The following TMOD1 variants were observed in gnomAD, a reference collection of about 807,000 sequenced individuals.
The protein encoded by TMOD1 is tropomodulin 1.
Under a neutral mutation model 40.6 loss-of-function variants are expected in TMOD1, and 17 were observed. The observed-to-expected ratio is 0.42, with a 90% CI of 0.29 to 0.63. The LOEUF (loss-of-function observed/expected upper bound fraction) is 0.63, where lower values mean the gene tolerates loss of function less well. Among genes scored for constraint, TMOD1 ranks in the 20% least tolerant of loss-of-function variants. The pLI, the probability that TMOD1 is intolerant of heterozygous loss-of-function variation, is 0.22. For synonymous variants in TMOD1, 181 were observed against 175.0 expected, an observed-to-expected ratio of 1.03 and a Z score of -0.27; for missense variants, 391 against 447.6, an observed-to-expected ratio of 0.87 and a Z score of 1.14.
chr9:97,521,583 C>A (rs763817103), intron 1 of TMOD1, among the ~76,000 whole-genome samples: 1 of 152,116 alleles, frequency 6.6e-6, no homozygotes, highest in Admixed American at 6.5e-5. Context: ...TCGTCGATAC[C>A]AGAGCACTGT....
chr9:97,559,635 CGT>C (rs1830586616), intron 4 of TMOD1, among the ~76,000 whole-genome samples: 1 of 150,690 alleles, frequency 6.6e-6, no homozygotes, highest in African/African-American at 2.4e-5. Flanking sequence ...CGTGGTGGCA[CGT>C]GTCTGTAATC....
chr9:97,546,401 G>A (rs188506093), intron 3 of TMOD1, 60 bp downstream of exon 3: 9 of 1,555,466 alleles, frequency 5.8e-6, no homozygotes, highest in Admixed American at 5.5e-5. Context: ...AGTGCCGACT[G>A]TATGCCAGGC....
chr9:97,579,443 C>T (rs1825693012), intron 8 of TMOD1, among the ~76,000 whole-genome samples: 1 of 152,114 alleles, frequency 6.6e-6, no homozygotes, highest in Admixed American at 6.5e-5. Flanking sequence ...CAGCCAGTGG[C>T]TATTTGTTTG....
intron 3 of TMOD1, among the ~76,000 whole-genome samples, chr9:97,550,650 G>T (rs956364580): frequency 6.6e-6 from 1 of 152,136 alleles, no homozygotes; most frequent in Non-Finnish European, 1.5e-5. Flanking sequence ...TCATGTGCTT[G>T]TTGGCCATAT....
intron 9 of TMOD1, among the ~76,000 whole-genome samples, chr9:97,595,110 G>A (rs1025677890): frequency 2.0e-5 from 3 of 152,160 alleles, no homozygotes; most frequent in Non-Finnish European, 4.4e-5. Context: ...ATTGTCAATT[G>A]ACAATTTGTA....
intron 8 of TMOD1, among the ~76,000 whole-genome samples, chr9:97,580,534 A>T (rs569147550): frequency 1.3e-5 from 2 of 151,856 alleles, no homozygotes; most frequent in Non-Finnish European, 2.9e-5. Context: ...TGAACCTGGG[A>T]GGCAGAGGCT....
chr9:97,591,444 A>T lies in TMOD1; in HGVS notation c.1015+9A>T. 1 of 1,613,470 alleles carries T rather than the reference A, an allele frequency of 6.2e-7. No homozygotes were observed. Among genetic ancestry groups the T allele is most frequent in the Non-Finnish European group, 8.5e-7 (1 of 1,179,630 alleles). On this transcript the variant is annotated intron_variant, in intron 9 of 9. Coordinates refer to ENST00000259365, the MANE Select transcript of TMOD1 (RefSeq NM_003275.4). The stretch of plus-strand genomic sequence containing the variant: ...GAACAACAATGACCTTGGTGAGTAG[A>T]AATATGCTTCCTGCCCTGCCCGCAG...
At chr9:97,580,927 A>G (rs1351009486) in intron 8 of TMOD1, among the ~76,000 whole-genome samples, 1 of 130,408 alleles carries the variant, frequency 7.7e-6, no homozygotes, top group East Asian at 2.3e-4. Context: ...TATATTATGT[A>G]ACCATTTTGG....
intron 2 of TMOD1, 101 bp from the exon 3 acceptor site, chr9:97,546,084 T>C (rs1167714496): frequency 7.2e-7 from 1 of 1,383,056 alleles, no homozygotes; most frequent in African/African-American, 1.4e-5. Context: ...TTCTGTTCGA[T>C]GATGAGTTTC....
intron 2 of TMOD1, among the ~76,000 whole-genome samples, chr9:97,538,040 A>G (rs1830210674): frequency 1.3e-5 from 2 of 152,184 alleles, no homozygotes; most frequent in African/African-American, 2.4e-5. Context: ...CACAAAACTG[A>G]GCAGATCTAA....
intron 9 of TMOD1, among the ~76,000 whole-genome samples, chr9:97,598,352 CT>C (rs1289083379): frequency 7.4e-6 from 1 of 134,546 alleles, no homozygotes; most frequent in Non-Finnish European, 1.5e-5. Context: ...AAAAAAAAGG[CT>C]TGGTCCTGTC....
chr9:97,595,929 C>T (rs529512900), intron 9 of TMOD1, among the ~76,000 whole-genome samples: 1 of 152,066 alleles, frequency 6.6e-6, no homozygotes, highest in African/African-American at 2.4e-5. Flanking sequence ...AAAAAATTAG[C>T]CGGGCATGGT....
Position 97,524,274 on chromosome 9 carries a change from C to A in TMOD1, c.86C>A (p.Thr29Asn). The A allele has an allele frequency of 2.5e-6, 4 of 1,614,082 alleles. No individual in the cohort carries two copies. Among genetic ancestry groups the A allele is most frequent in the Non-Finnish European group, 3.4e-6 (4 of 1,179,998 alleles). The change falls in exon 2 of 10, where the codon ACC (threonine) becomes AAC (asparagine). Residue 29 changes from threonine to asparagine, a missense_variant. By Grantham distance (65) the Thr-to-Asn change is moderately conservative. Transcript: ENST00000259365. ...LGALTEEELRTLENELDELDP... is the reference protein window; with the variant it reads ...LGALTEEELRNLENELDELDP... ...GCCCTAACAGAGGAAGAGCTGAGGA[C>A]CCTGGAAAATGAGCTGGATGAGCTG...
chr9:97,553,167 C>T, intron 3 of TMOD1, 114 bp from the exon 4 acceptor site: 3 of 1,490,122 alleles, frequency 2.0e-6, no homozygotes, highest in Non-Finnish European at 2.7e-6. Flanking sequence ...CCTGAAGGGA[C>T]TCTCAGCATG....
At chr9:97,530,778 C>T (rs1180853501) in intron 2 of TMOD1, among the ~76,000 whole-genome samples, 4 of 130,688 alleles carry the variant, frequency 3.1e-5, no homozygotes, top group Non-Finnish European at 6.3e-5. Context: ...CGTGAGCCAC[C>T]GGGCCCGGCT....
chr9:97,587,785 A>G (rs1418764890), intron 8 of TMOD1, among the ~76,000 whole-genome samples: 1 of 152,100 alleles, frequency 6.6e-6, no homozygotes, highest in African/African-American at 2.4e-5. Context: ...GGCAACCACT[A>G]ACCTCCTTTC....
At chr9:97,594,255 A>T (rs1029852096) in intron 9 of TMOD1, among the ~76,000 whole-genome samples, 2 of 152,182 alleles carry the variant, frequency 1.3e-5, no homozygotes, top group Admixed American at 6.5e-5. Flanking sequence ...CTACTTGGTG[A>T]TGTAGGATCT....
rs917308768 is a variant in TMOD1, at chr9:97,572,609, G to A, written c.870+3572G>A. Reference sequence around the variant, plus strand: ...CAGCCCCAGGCTGGGGGGAGGCAGGGCAGTGTGACACAGAGGAGGTGGCGA... The same window carrying A: ...CAGCCCCAGGCTGGGGGGAGGCAGGACAGTGTGACACAGAGGAGGTGGCGA... On this transcript the variant is annotated intron_variant, in intron 8 of 9. Coordinates refer to ENST00000259365, the MANE Select transcript of TMOD1 (RefSeq NM_003275.4). Among the ~76,000 whole-genome samples, 7 of 152,190 alleles carry A rather than the reference G, an allele frequency of 4.6e-5. No homozygotes were observed. In the East Asian group the frequency reaches 1.4e-3, roughly 29 times the overall value.
rs576654772 is a variant in TMOD1 at position 97,527,104 on chromosome 9, C to T, written c.120+2796C>T. ...AGCCTTGCATTTCTCTTTCTTCCCC[C>T]GCATCATCTCTCCCCATTAGCCTGT... On this transcript the variant is annotated intron_variant, in intron 2 of 9. Coordinates refer to ENST00000259365, the MANE Select transcript of TMOD1 (RefSeq NM_003275.4). Among the ~76,000 whole-genome samples, 169 of 152,210 alleles carry T rather than the reference C, an allele frequency of 1.1e-3. 1 individual carries two copies. The South Asian group carries it at 0.012, about 11-fold the overall frequency.
Sources: gnomAD v4.1 joint callset for allele counts (sites outside exome capture counted in the v4.1 genomes callset) on GRCh38, gnomAD v4.1.1 for gene constraint, MANE v1.5 for transcripts, NCBI Gene and HGNC (gene_info 2026-07-23, HGNC 2026-07-21) for gene names.